The following ARHGAP25 variants were observed in gnomAD, a reference collection of about 807,000 sequenced individuals.
The protein encoded by ARHGAP25 is Rho GTPase activating protein 25.
In ARHGAP25, 34 loss-of-function variants were observed where a neutral mutation model predicts 71.0. The observed-to-expected ratio is 0.48, with a 90% CI of 0.36 to 0.64. The LOEUF (loss-of-function observed/expected upper bound fraction) is 0.64, where lower values mean the gene tolerates loss of function less well. Ranked by LOEUF, ARHGAP25 falls within the 30% of genes least tolerant of loss-of-function variation. The pLI, the probability that ARHGAP25 is intolerant of heterozygous loss-of-function variation, is 0.00. For synonymous variants in ARHGAP25, 282 were observed against 296.5 expected, an observed-to-expected ratio of 0.95 and a Z score of 0.50; for missense variants, 706 against 805.1, an observed-to-expected ratio of 0.88 and a Z score of 1.49.
At chr2:68,744,604 G>C (rs1675705010) in intron 1 of ARHGAP25, among the ~76,000 whole-genome samples, 1 of 152,168 alleles carries the variant, frequency 6.6e-6, no homozygotes, top group Non-Finnish European at 1.5e-5. Context: ...GGTTTGTTCT[G>C]TAACAAAAGC....
In ARHGAP25 at chr2:68,819,194, G is replaced by T. The variant is rs1376663533; in HGVS notation, c.1075G>T (p.Asp359Tyr). ...TGAAGTCCTCTTCCCCAAGTCCAAG[G>T]ATATACCCCTGTCACCCCCTGCCCA... ...DHEVLFPKSK[D>Y]IPLSPPAQKN... is the part of the protein sequence containing the mutation. The change falls in exon 9 of 11, where the codon GAT (aspartate) becomes TAT (tyrosine). Residue 359 changes from aspartate to tyrosine, a missense_variant. By Grantham distance (160) the Asp-to-Tyr change is radical. Coordinates refer to ENST00000409202, the MANE Select transcript of ARHGAP25 (RefSeq NM_001007231.3). 1.2e-6 allele frequency: 2 copies of T among 1,613,630 alleles called. No individual in the cohort carries two copies. Among genetic ancestry groups the T allele is most frequent in the Non-Finnish European group, 1.7e-6 (2 of 1,179,866 alleles).
At chr2:68,773,020 C>A (rs1573492148) in intron 1 of ARHGAP25, among the ~76,000 whole-genome samples, 1 of 152,266 alleles carries the variant, frequency 6.6e-6, no homozygotes, top group East Asian at 1.9e-4. Context: ...CCTAGTATGA[C>A]CTCACCAGGT....
intron 1 of ARHGAP25, chr2:68,774,894 TG>T (rs1677756437): frequency 8.1e-6 from 11 of 1,350,778 alleles, no homozygotes; most frequent in Admixed American, 6.5e-5. Context: ...TCAGATGCTG[TG>T]GCCACTTCCT....
chr2:68,782,131 A>C (rs879243056), intron 2 of ARHGAP25, 102 bp from the exon 3 acceptor site: 1 of 1,043,508 alleles, frequency 9.6e-7, no homozygotes, highest in Non-Finnish European at 1.5e-6. Context: ...CTATCCTCCT[A>C]CTCTCCTCCC....
chr2:68,763,740 A>G (rs1020504556), intron 1 of ARHGAP25, among the ~76,000 whole-genome samples: 2 of 152,206 alleles, frequency 1.3e-5, no homozygotes, highest in Admixed American at 6.5e-5. Context: ...GGCATGTTTC[A>G]CCACATAAAA....
chr2:68,717,727 G>A (rs1302372287), intron 2 of ARHGAP25, among the ~76,000 whole-genome samples: 1 of 152,174 alleles, frequency 6.6e-6, no homozygotes, highest in African/African-American at 2.4e-5. Context: ...TGGCAGAAAA[G>A]TTCTGGTTTC....
intron 4 of ARHGAP25, among the ~76,000 whole-genome samples, chr2:68,803,889 G>A (rs1039179982): frequency 2.6e-5 from 4 of 152,122 alleles, no homozygotes; most frequent in African/African-American, 7.2e-5. Context: ...AGCTCAACAG[G>A]AGTGGCAAAA....
chr2:68,750,825 C>T (rs765699800), intron 1 of ARHGAP25, among the ~76,000 whole-genome samples: 2 of 152,224 alleles, frequency 1.3e-5, no homozygotes, highest in African/African-American at 2.4e-5. Context: ...CCTGCTCACA[C>T]AGGGAATTAG....
At position 68,725,789 on chromosome 2, in the gene ARHGAP25, G is replaced by A. The variant is rs116125987; in HGVS notation, c.-18+15091G>A. Among the ~76,000 whole-genome samples, 988 of 152,148 alleles carry A rather than the reference G, an allele frequency of 6.5e-3. 13 individuals carry two copies. Among genetic ancestry groups the A allele is most frequent in the African/African-American group, 0.023 (938 of 41,504 alleles). On this transcript the variant is annotated intron_variant and NMD_transcript_variant, in intron 2 of 7. Coordinates refer to the ARHGAP25 transcript ENST00000463483. ...TTATCTTCCCCTTCCTCCTTTTGCT[G>A]TGAACACAAGACCTCCTTGGGGTCT...
chr2:68,735,468 G>T (rs1675166059), intron 1 of ARHGAP25: 1 of 608,864 alleles, frequency 1.6e-6, no homozygotes, highest in East Asian at 2.8e-5. Context: ...CAAAACAGTG[G>T]GATGGCACTC....
intron 2 of ARHGAP25, among the ~76,000 whole-genome samples, chr2:68,711,279 CA>C (rs1470666030): frequency 1.2e-4 from 19 of 152,290 alleles, no homozygotes; most frequent in African/African-American, 3.9e-4. Flanking sequence ...AAGTCCTTCT[CA>C]AAGTATTTCC....
intron 4 of ARHGAP25, among the ~76,000 whole-genome samples, chr2:68,801,341 A>G (rs922981981): frequency 1.3e-5 from 2 of 152,164 alleles, no homozygotes; most frequent in African/African-American, 2.4e-5. Flanking sequence ...CATGTAGAGG[A>G]CAGCAAGGAC....
At chr2:68,812,297 TA>T (rs1265908531) in intron 5 of ARHGAP25, among the ~76,000 whole-genome samples, 1 of 152,192 alleles carries the variant, frequency 6.6e-6, no homozygotes, top group Non-Finnish European at 1.5e-5. Flanking sequence ...TTTAAAAATG[TA>T]AAAATAATTC....
intron 4 of ARHGAP25, among the ~76,000 whole-genome samples, chr2:68,798,539 T>C (rs1679740049): frequency 6.6e-6 from 1 of 151,050 alleles, no homozygotes; most frequent in African/African-American, 2.4e-5. Flanking sequence ...GCCAAAGTCT[T>C]TTCTCTCAAA....
chr2:68,801,397 G>A (rs886086247), intron 4 of ARHGAP25, among the ~76,000 whole-genome samples: 5 of 152,158 alleles, frequency 3.3e-5, no homozygotes, highest in African/African-American at 4.8e-5. Context: ...TGAGACACAC[G>A]GAGAACCAAG....
chr2:68,804,041 A>G (rs933457224), intron 4 of ARHGAP25, among the ~76,000 whole-genome samples: 2 of 152,188 alleles, frequency 1.3e-5, no homozygotes, highest in Non-Finnish European at 1.5e-5. Flanking sequence ...TGAAGAAAAA[A>G]GTATGGGTCA....
At chr2:68,777,933 A>G (rs1468665716) in intron 2 of ARHGAP25, among the ~76,000 whole-genome samples, 2 of 152,160 alleles carry the variant, frequency 1.3e-5, no homozygotes, top group African/African-American at 4.8e-5. Context: ...TTGTAAATGC[A>G]AAATTAGTAT....
intron 9 of ARHGAP25, among the ~76,000 whole-genome samples, chr2:68,821,861 G>A (rs915904684): frequency 9.4e-5 from 14 of 148,310 alleles, no homozygotes; most frequent in Non-Finnish European, 1.9e-4. Flanking sequence ...ATCTATTAAG[G>A]AGAGTAACCA....
chr2:68,785,353 C>A (rs1678680702), intron 3 of ARHGAP25, among the ~76,000 whole-genome samples: 1 of 152,132 alleles, frequency 6.6e-6, no homozygotes, highest in Admixed American at 6.5e-5. Context: ...GAATCCAAGT[C>A]AGAGATAGCA....
Sources: gnomAD v4.1 joint callset for allele counts (sites outside exome capture counted in the v4.1 genomes callset) on GRCh38, gnomAD v4.1.1 for gene constraint, MANE v1.5 for transcripts, NCBI Gene and HGNC (gene_info 2026-07-23, HGNC 2026-07-21) for gene names.